Variants in ASXL3 observed in about 807,000 individuals in gnomAD.
The protein encoded by ASXL3 is putative Polycomb group protein ASXL3.
A neutral mutation model predicts 170.6 loss-of-function variants in ASXL3; 34 were observed. The ratio of observed to expected loss-of-function variants is 0.20; its 90% confidence interval spans 0.15 to 0.27. ASXL3 has a LOEUF of 0.27. Ranked by LOEUF, ASXL3 falls within the 10% of genes least tolerant of loss-of-function variation. The probability of loss-of-function intolerance (pLI) is 1.00; values close to 1 mark genes in which losing one functional copy is unlikely to be tolerated. For synonymous variants in ASXL3, 1,002 were observed against 989.1 expected (o/e 1.01, Z -0.24); for missense variants, 2,592 against 2,695.3 (o/e 0.96, Z 0.85).
chr18:33,714,305 G>A (rs1430343961), intron 8 of ASXL3, among the ~76,000 whole-genome samples: 1 of 152,080 alleles, frequency 6.6e-6, no homozygotes, highest in African/African-American at 2.4e-5. Context: ...ACGTTGCCAA[G>A]GGCTCAAATT....
chr18:33,583,906 T>C (rs1161461193), intron 1 of ASXL3, among the ~76,000 whole-genome samples: 1 of 152,142 alleles, frequency 6.6e-6, no homozygotes, highest in African/African-American at 2.4e-5. Context: ...CCTATGTATA[T>C]GATTCAGATG....
At chr18:33,703,441 T>G (rs1256366054) in intron 8 of ASXL3, among the ~76,000 whole-genome samples, 1 of 152,120 alleles carries the variant, frequency 6.6e-6, no homozygotes. Flanking sequence ...AAGGCCCTAG[T>G]ATTCTTGGCC....
Position 33,738,942 on chromosome 18 carries a change from C to G in ASXL3, c.1538C>G (p.Pro513Arg). Reference sequence around the variant, plus strand: ...ATGAATGATGTTTTAGAAACTTTGCCTCATATTGAAGTTAAGATAGAAGGG... The same window carrying G: ...ATGAATGATGTTTTAGAAACTTTGCGTCATATTGAAGTTAAGATAGAAGGG... ...VMMNDVLETL[P>R]HIEVKIEGKS... is the part of the protein sequence containing the mutation. Residue 513 changes from proline (P) to arginine (R), a missense_variant, in exon 11 of 12, where the codon CCT (proline) becomes CGT (arginine). Coordinates refer to ENST00000269197, the MANE Select transcript of ASXL3 (RefSeq NM_030632.3). The G allele has an allele frequency of 6.2e-7, 1 of 1,613,518 alleles. No individual in the cohort carries two copies. The highest frequency in any genetic ancestry group is 1.1e-5 in the South Asian group (1 of 91,016).
chr18:33,586,841 C>T (rs1237331014), intron 1 of ASXL3, among the ~76,000 whole-genome samples: 1 of 152,156 alleles, frequency 6.6e-6, no homozygotes, highest in African/African-American at 2.4e-5. Flanking sequence ...TTATTGGATA[C>T]TTTCAACAAT....
chr18:33,728,854 C>A (rs1260507508), intron 8 of ASXL3, among the ~76,000 whole-genome samples: 1 of 152,158 alleles, frequency 6.6e-6, no homozygotes, highest in Non-Finnish European at 1.5e-5. Context: ...TAAGCACATA[C>A]CTTTTAGGTT....
intron 1 of ASXL3, among the ~76,000 whole-genome samples, chr18:33,591,899 C>T (rs957024070): frequency 1.3e-5 from 2 of 152,066 alleles, no homozygotes; most frequent in Non-Finnish European, 2.9e-5. Context: ...CCTCAGCCTC[C>T]CAAAGTGCTG....
chr18:33,596,046 A>C (rs1301285564), intron 1 of ASXL3, among the ~76,000 whole-genome samples: 1 of 151,964 alleles, frequency 6.6e-6, no homozygotes, highest in Non-Finnish European at 1.5e-5. Context: ...TTCATTAGGC[A>C]AGTATTACAC....
At chr18:33,611,773 A>G (rs1421487171) in intron 2 of ASXL3, among the ~76,000 whole-genome samples, 1 of 152,010 alleles carries the variant, frequency 6.6e-6, no homozygotes, top group East Asian at 1.9e-4. Context: ...GTCTAGTTAC[A>G]GTGTTGTTTT....
chr18:33,591,240 CCTT>C (rs1168940427), intron 1 of ASXL3, among the ~76,000 whole-genome samples: 1 of 152,088 alleles, frequency 6.6e-6, no homozygotes, highest in Non-Finnish European at 1.5e-5. Context: ...TTTTTTCTCT[CCTT>C]CTCCCTCTTT....
rs770799303 is a variant in ASXL3 at position 33,740,461 on chromosome 18, C to G, written c.3039+18C>G. ...CTCTCAAGGTATGGTATTAAATAAA[C>G]AAAAGGCAATTCCGTAGATAGGCTT... On this transcript the variant is annotated intron_variant, in intron 11 of 11. Coordinates refer to ENST00000269197, the MANE Select transcript of ASXL3 (RefSeq NM_030632.3). 5.3e-6 allele frequency: 8 copies of G among 1,510,488 alleles called. No individual in the cohort carries two copies. In the East Asian group the frequency reaches 1.8e-4, roughly 35 times the overall value. 93.6% of individuals were successfully genotyped at this position (1,510,488 alleles called of 1,614,324 possible).
intron 2 of ASXL3, among the ~76,000 whole-genome samples, chr18:33,620,946 AC>A (rs1159201227): frequency 3.3e-5 from 5 of 152,266 alleles, no homozygotes; most frequent in Admixed American, 6.5e-5. Context: ...GAAGGCCAGG[AC>A]TAGTTTCCAC....
chr18:33,663,329 T>A (rs1044037620), intron 5 of ASXL3, among the ~76,000 whole-genome samples: 2 of 152,144 alleles, frequency 1.3e-5, no homozygotes, highest in Non-Finnish European at 2.9e-5. Context: ...GTTCAGTGAC[T>A]TGGAAAATGT....
chr18:33,587,172 C>G (rs1416584447), intron 1 of ASXL3, among the ~76,000 whole-genome samples: 1 of 152,130 alleles, frequency 6.6e-6, no homozygotes, highest in Non-Finnish European at 1.5e-5. Context: ...GTAAGAAGCC[C>G]TTTTCAAAAC....
intron 8 of ASXL3, among the ~76,000 whole-genome samples, chr18:33,689,896 A>G (rs1451061264): frequency 6.6e-6 from 1 of 152,124 alleles, no homozygotes; most frequent in African/African-American, 2.4e-5. Flanking sequence ...GTGTGCATCT[A>G]TATGTATGCC....
intron 1 of ASXL3, among the ~76,000 whole-genome samples, chr18:33,598,654 A>T (rs1428809071): frequency 1.3e-5 from 2 of 152,214 alleles, no homozygotes; most frequent in Non-Finnish European, 1.5e-5. Context: ...AGTCTCTTTT[A>T]AACTAGTGCA....
At chr18:33,587,154 C>T (rs557481412) in intron 1 of ASXL3, among the ~76,000 whole-genome samples, 9 of 152,214 alleles carry the variant, frequency 5.9e-5, no homozygotes, top group African/African-American at 1.9e-4. Context: ...CCAAAAGTAC[C>T]CCAGGCCGTA....
chr18:33,734,537 C>G, intron 10 of ASXL3, 122 bp downstream of exon 10: 1 of 518,030 alleles, frequency 1.9e-6, no homozygotes. Flanking sequence ...GGCAATAGTC[C>G]CTCAGTGTAA....
chr18:33,651,961 T>A (rs577582292), intron 4 of ASXL3, among the ~76,000 whole-genome samples: 1 of 152,090 alleles, frequency 6.6e-6, no homozygotes, highest in Non-Finnish European at 1.5e-5. Context: ...CACAGAACTA[T>A]GGTTATGTGT....
chr18:33,681,863 T>TG (rs2066521207), intron 7 of ASXL3, among the ~76,000 whole-genome samples: 1 of 152,156 alleles, frequency 6.6e-6, no homozygotes, highest in African/African-American at 2.4e-5. Flanking sequence ...ATCATTTTTA[T>TG]ACTGCCCTCT....
Sources: allele counts gnomAD v4.1 joint callset (sites outside exome capture counted in the v4.1 genomes callset), GRCh38; gene constraint gnomAD v4.1.1; transcripts MANE v1.5; gene names NCBI Gene and HGNC (gene_info 2026-07-23, HGNC 2026-07-21).